Variants in GCSAML observed in about 807,000 individuals in gnomAD.
GCSAML encodes germinal center associated signaling and motility like, also known as germinal center-associated signaling and motility-like protein.
A neutral mutation model predicts 13.0 loss-of-function variants in GCSAML; 9 were observed. The ratio of observed to expected loss-of-function variants is 0.69; its 90% confidence interval spans 0.42 to 1.21. GCSAML has a LOEUF of 1.21. GCSAML is among the 50% of genes most tolerant of loss of function. The pLI is 0.00. For synonymous variants in GCSAML, 37 were observed against 52.9 expected, an observed-to-expected ratio of 0.70 and a Z score of 1.31; for missense variants, 143 against 153.4, an observed-to-expected ratio of 0.93 and a Z score of 0.36.
intron 1 of GCSAML, among the ~76,000 whole-genome samples, chr1:247,520,547 C>CAT (rs1553301704): frequency 6.6e-6 from 1 of 150,884 alleles, no homozygotes; most frequent in Non-Finnish European, 1.5e-5. Flanking sequence ...CACACACACA[C>CAT]ATCTTCTGTT....
intron 1 of GCSAML, among the ~76,000 whole-genome samples, chr1:247,517,248 T>C (rs1666241651): frequency 6.6e-6 from 1 of 152,210 alleles, no homozygotes; most frequent in Non-Finnish European, 1.5e-5. Flanking sequence ...GGCTCCCCTG[T>C]TCTCTAGGGC....
intron 4 of GCSAML, among the ~76,000 whole-genome samples, chr1:247,571,069 C>G (rs1373248523): frequency 6.6e-6 from 1 of 152,162 alleles, no homozygotes; most frequent in East Asian, 1.9e-4. Context: ...CTTCCTCCAT[C>G]CCTTTATTTT....
chr1:247,540,698 T>G (rs994727748), intron 2 of GCSAML, among the ~76,000 whole-genome samples: 2 of 152,040 alleles, frequency 1.3e-5, no homozygotes, highest in Non-Finnish European at 2.9e-5. Flanking sequence ...CAAGAGCAAG[T>G]GGGGGAGGGA....
At chr1:247,520,725 A>C (rs1286988120) in intron 1 of GCSAML, among the ~76,000 whole-genome samples, 1 of 152,154 alleles carries the variant, frequency 6.6e-6, no homozygotes, top group African/African-American at 2.4e-5. Context: ...CTCATGTTCA[A>C]ATAGCTGTTT....
At chr1:247,516,057 G>A (rs1041081882) in intron 1 of GCSAML, among the ~76,000 whole-genome samples, 2 of 152,142 alleles carry the variant, frequency 1.3e-5, no homozygotes, top group African/African-American at 4.8e-5. Flanking sequence ...AAATGGCAGA[G>A]GAAGGCAGGG....
chr1:247,537,284 G>A (rs1346807991), intron 2 of GCSAML, among the ~76,000 whole-genome samples: 2 of 152,154 alleles, frequency 1.3e-5, no homozygotes, highest in Admixed American at 6.5e-5. Context: ...CATCTATGTT[G>A]TAGCGTGTAT....
intron 1 of GCSAML, 95 bp from the exon 2 acceptor site, chr1:247,556,312 G>C: frequency 1.2e-6 from 1 of 835,072 alleles, no homozygotes; most frequent in Non-Finnish European, 2.0e-6. Flanking sequence ...AGAAAAGTCA[G>C]GTTTGGTTTT....
intron 2 of GCSAML, among the ~76,000 whole-genome samples, chr1:247,557,531 GCTT>G (rs1466130233): frequency 6.6e-6 from 1 of 152,124 alleles, no homozygotes; most frequent in African/African-American, 2.4e-5. Context: ...CTCTGAGATG[GCTT>G]CTTCTTCTTT....
chr1:247,530,586 C>A (rs925265246), intron 2 of GCSAML: 4 of 149,028 alleles, frequency 2.7e-5, no homozygotes, highest in African/African-American at 4.9e-5. Context: ...TGTCATTTTA[C>A]TACCTCTAAT....
intron 4 of GCSAML, among the ~76,000 whole-genome samples, chr1:247,573,509 T>A (rs1385708073): frequency 6.6e-6 from 1 of 152,154 alleles, no homozygotes; most frequent in Non-Finnish European, 1.5e-5. Context: ...TCACCCTCTG[T>A]GGGCTACACT....
intron 1 of GCSAML, among the ~76,000 whole-genome samples, chr1:247,520,868 C>T (rs75962026): frequency 0.015 from 2,345 of 152,288 alleles, 77 homozygotes; most frequent in African/African-American, 0.054. Flanking sequence ...ACTTTATCTT[C>T]TGATTTCCGA....
intron 4 of GCSAML, among the ~76,000 whole-genome samples, chr1:247,568,311 C>G (rs1406219644): frequency 2.0e-5 from 3 of 151,984 alleles, no homozygotes; most frequent in African/African-American, 7.2e-5. Context: ...GTTTTAGGTC[C>G]TACATTTAAA....
At chr1:247,515,241 T>C (rs142384693) in intron 1 of GCSAML, among the ~76,000 whole-genome samples, 1,567 of 152,310 alleles carry the variant, frequency 0.01, 34 homozygotes, top group African/African-American at 0.036. Flanking sequence ...AGTTAAGTAA[T>C]GACAGCATGG....
chr1:247,533,353 A>G (rs1444244486), intron 2 of GCSAML, among the ~76,000 whole-genome samples: 1 of 152,144 alleles, frequency 6.6e-6, no homozygotes, highest in Non-Finnish European at 1.5e-5. Context: ...CCCCGCAGTT[A>G]GCCATAGAAA....
At chr1:247,532,167 C>G in intron 2 of GCSAML, 1 of 1,614,136 alleles carries the variant, frequency 6.2e-7, no homozygotes, top group Non-Finnish European at 8.5e-7. Context: ...TGGTGGCCAG[C>G]AGGACACACT....
intron 1 of GCSAML, among the ~76,000 whole-genome samples, chr1:247,522,942 CGT>C (rs1354187681): frequency 1.4e-5 from 2 of 144,706 alleles, no homozygotes; most frequent in Non-Finnish European, 3.0e-5. Flanking sequence ...AAAACCATAA[CGT>C]ATAACTTTTA....
At chr1:247,512,689 G>A (rs571778662) in intron 1 of GCSAML, among the ~76,000 whole-genome samples, 1 of 152,174 alleles carries the variant, frequency 6.6e-6, no homozygotes, top group African/African-American at 2.4e-5. Flanking sequence ...TTCAGATGGG[G>A]TTTCTGTGTG....
intron 1 of GCSAML, among the ~76,000 whole-genome samples, chr1:247,515,265 G>T (rs1666172808): frequency 6.6e-6 from 1 of 152,160 alleles, no homozygotes; most frequent in African/African-American, 2.4e-5. Context: ...ATGAATAAAA[G>T]CCTTTCAAAT....
At chr1:247,572,386 G>A (rs1411053127) in intron 4 of GCSAML, among the ~76,000 whole-genome samples, 1 of 152,114 alleles carries the variant, frequency 6.6e-6, no homozygotes, top group Non-Finnish European at 1.5e-5. Flanking sequence ...TGGAGTTTTT[G>A]CGTGGTTGTC....
Sources: allele counts gnomAD v4.1 joint callset (sites outside exome capture counted in the v4.1 genomes callset), GRCh38; gene constraint gnomAD v4.1.1; transcripts MANE v1.5; gene names NCBI Gene and HGNC (gene_info 2026-07-23, HGNC 2026-07-21).